The following INIP variants were observed in gnomAD, a reference collection of about 807,000 sequenced individuals.
INIP encodes the protein INTS3 and NABP interacting protein, also known as SOSS complex subunit C.
INIP carries 9 observed loss-of-function variants against 14.0 expected under a neutral mutation model. The observed-to-expected ratio is 0.64, with a 90% CI of 0.39 to 1.12. The LOEUF (loss-of-function observed/expected upper bound fraction) is 1.12. Ranked by LOEUF, INIP falls within the 50% of genes most tolerant of loss-of-function variation. The pLI, the probability that INIP is intolerant of heterozygous loss-of-function variation, is 0.01. For missense variants in INIP, 78 were observed against 122.7 expected, an observed-to-expected ratio of 0.64 and a Z score of 1.72; for synonymous variants, 37 against 41.5, an observed-to-expected ratio of 0.89 and a Z score of 0.41.
At chr9:112,699,311 TA>T (rs879325035) in intron 2 of INIP, among the ~76,000 whole-genome samples, 37 of 145,864 alleles carry the variant, frequency 2.5e-4, no homozygotes, top group Middle Eastern at 3.5e-3. Flanking sequence ...ACCCTGTCTC[TA>T]AAAAAAAAAA....
intron 2 of INIP, among the ~76,000 whole-genome samples, chr9:112,708,682 G>A (rs1470092289): frequency 6.6e-6 from 1 of 151,886 alleles, no homozygotes; most frequent in Non-Finnish European, 1.5e-5. Context: ...TCAAGATGTT[G>A]ACAGGGCTGC....
chr9:112,703,682 A>T (rs1838370107), intron 2 of INIP, among the ~76,000 whole-genome samples: 2 of 152,288 alleles, frequency 1.3e-5, no homozygotes, highest in African/African-American at 4.8e-5. Flanking sequence ...GTCTCAAGTA[A>T]TCCTTCCACC....
At position 112,687,632 on chromosome 9, in the gene INIP, T is replaced by G; in HGVS notation, c.221A>C (p.His74Pro). The change falls in exon 5 of 5, where the codon CAT becomes CCT. Residue 74 changes from histidine (H) to proline (P), a missense_variant and splice_region_variant. His to Pro is a moderately conservative substitution (Grantham distance 77). Transcript: ENST00000374242. The part of the protein sequence containing the change: ...IAAQQKAALQ[H>P]AHAHSSGYFI... ...GTATCCAGATGAATGTGCATGAGCA[T>G]GCTGGGAAAGATTAAAAACAAAAAG... 1 of 1,529,662 alleles carries G rather than the reference T, an allele frequency of 6.5e-7. No individual in the cohort carries two copies. The highest frequency in any genetic ancestry group is 8.9e-7 in the Non-Finnish European group (1 of 1,122,008). 94.8% of individuals were successfully genotyped at this position (1,529,662 alleles called of 1,614,324 possible).
Position 112,694,192 on chromosome 9 carries a change from C to T in INIP, c.67G>A (p.Asp23Asn), listed in dbSNP as rs1837998642. ...KNRVAILAEL[D>N]KEKRKLLMQN... ...ATAAGTAGTTTTCTTTTCTCTTTGTCCAGTTCTGCCAAGATTGCAACTCTA... is the reference window on the plus strand; with the variant it reads ...ATAAGTAGTTTTCTTTTCTCTTTGTTCAGTTCTGCCAAGATTGCAACTCTA... The change falls in exon 3 of 5, where the codon GAC becomes AAC. Residue 23 changes from aspartate to asparagine, a missense_variant. Physicochemically the swap from Asp to Asn is conservative, Grantham distance 23. Coordinates refer to ENST00000374242, the MANE Select transcript of INIP (RefSeq NM_021218.3). 1 of 1,611,306 alleles carries T rather than the reference C, an allele frequency of 6.2e-7. No homozygotes were observed. Among genetic ancestry groups the T allele is most frequent in the Non-Finnish European group, 8.5e-7 (1 of 1,178,960 alleles).
At position 112,684,122 on chromosome 9, in the gene INIP, T is replaced by C. The variant is rs1330091674; in HGVS notation, c.*3416A>G. The C allele has an allele frequency of 6.6e-6, 1 of 152,142 alleles. No individual in the cohort carries two copies. Among genetic ancestry groups the C allele is most frequent in the Non-Finnish European group, 1.5e-5 (1 of 68,034 alleles). 9.4% of individuals were successfully genotyped at this position (152,142 alleles called of 1,614,324 possible). ...GAACACCTACTATATGCCAAATATA[T>C]TTTATGTGGAATACAGTAGTGAACG... On this transcript the variant is annotated 3_prime_UTR_variant, in exon 5 of 5. Transcript: ENST00000374242.
chr9:112,692,971 G>C (rs967658693), intron 3 of INIP, among the ~76,000 whole-genome samples: 1 of 148,104 alleles, frequency 6.8e-6, no homozygotes. Context: ...TCAGGATGTA[G>C]TGAGTTATGA....
chr9:112,711,302 G>T (rs1442478549), intron 2 of INIP, among the ~76,000 whole-genome samples: 1 of 152,174 alleles, frequency 6.6e-6, no homozygotes, highest in African/African-American at 2.4e-5. Context: ...CCTAGTAGCA[G>T]CAGTTCCATG....
chr9:112,689,577 C>T lies in INIP; in HGVS notation c.169G>A (p.Asp57Asn). ...SRPSLNKDFR[D>N]HAEQQHIAAQ... ...GCAATATGCTGCTGCTCAGCGTGAT[C>T]CCGGAAGTCCTTATTAAGAGAGGGT... The change falls in exon 4 of 5, where the codon GAT (aspartate) becomes AAT (asparagine). Residue 57 changes from aspartate (D) to asparagine (N), a missense_variant. By Grantham distance (23) the Asp-to-Asn change is conservative. Transcript: ENST00000374242. The T allele has an allele frequency of 6.2e-7, 1 of 1,614,118 alleles. No individual in the cohort carries two copies.
Position 112,685,299 on chromosome 9 carries a change from C to G in INIP, c.*2239G>C, listed in dbSNP as rs74963836. ...AGAGACAGGGGTCTCACTATGTTGC[C>G]TAGGCTGTGGCTTGCTTTATAACTA... On this transcript the variant is annotated 3_prime_UTR_variant, in exon 5 of 5. Coordinates refer to ENST00000374242, the MANE Select transcript of INIP (RefSeq NM_021218.3). 6.6e-6 allele frequency: 1 copy of G among 151,132 alleles called. No homozygotes were observed. The highest frequency in any genetic ancestry group is 1.5e-5 in the Non-Finnish European group (1 of 67,940). 9.4% of individuals were successfully genotyped at this position (151,132 alleles called of 1,614,324 possible). A position where few individuals can be genotyped will look rare whatever the true frequency, so the allele number is the denominator to read the frequency against.
intron 4 of INIP, among the ~76,000 whole-genome samples, chr9:112,688,255 T>C (rs1052186311): frequency 4.6e-5 from 7 of 152,102 alleles, no homozygotes; most frequent in African/African-American, 1.7e-4. Flanking sequence ...CCTCAGTCCA[T>C]AAATGACTCA....
chr9:112,688,084 T>A (rs1437278155), intron 4 of INIP, among the ~76,000 whole-genome samples: 1 of 98,050 alleles, frequency 1.0e-5, no homozygotes, highest in Non-Finnish European at 2.2e-5. Context: ...AGACTCCATC[T>A]CAAATAAATA....
Position 112,694,215 on chromosome 9 carries a change from CTA to C in INIP, c.42_43del (p.Asn14LysfsTer29). ...GTCCAGTTCTGCCAAGATTGCAACT[CTA>C]TTTTTGTTTTGAAAACCTAAAAAAA... On this transcript the variant is annotated frameshift_variant, in exon 3 of 5. Transcript: ENST00000374242. LOFTEE classifies it high-confidence loss of function. 1 of 1,606,902 alleles carries C rather than the reference CTA, an allele frequency of 6.2e-7. No individual in the cohort carries two copies. The highest frequency in any genetic ancestry group is 1.3e-5 in the African/African-American group (1 of 74,590).
chr9:112,693,795 C>G (rs985421309), intron 3 of INIP, among the ~76,000 whole-genome samples: 3 of 152,204 alleles, frequency 2.0e-5, no homozygotes, highest in African/African-American at 7.2e-5. Flanking sequence ...ACATTACAGG[C>G]CAGGCACGGT....
chr9:112,698,303 CAAAA>C (rs755265359), intron 2 of INIP, among the ~76,000 whole-genome samples: 2 of 43,674 alleles, frequency 4.6e-5, no homozygotes, highest in South Asian at 1.2e-3. Flanking sequence ...GACTCTGTCT[CAAAA>C]AAAAAAAAAA....
At chr9:112,703,406 T>C (rs374487047) in intron 2 of INIP, among the ~76,000 whole-genome samples, 4 of 152,214 alleles carry the variant, frequency 2.6e-5, no homozygotes, top group African/African-American at 4.8e-5. Flanking sequence ...TTTTGGTCTC[T>C]AATACTATTC....
chr9:112,694,458 T>C (rs1475991530), intron 2 of INIP, among the ~76,000 whole-genome samples: 2 of 152,228 alleles, frequency 1.3e-5, no homozygotes, highest in Non-Finnish European at 2.9e-5. Flanking sequence ...AAGCAGAATA[T>C]AATATCAAAT....
At chr9:112,695,811 A>AAGAAGG (rs1838065508) in intron 2 of INIP, among the ~76,000 whole-genome samples, 1 of 95,744 alleles carries the variant, frequency 1.0e-5, no homozygotes, top group East Asian at 3.7e-4. Flanking sequence ...GGAGGAGGAG[A>AAGAAGG]AGAAGAAGGA....
intron 2 of INIP, among the ~76,000 whole-genome samples, chr9:112,708,168 A>G (rs545673806): frequency 6.6e-6 from 1 of 152,388 alleles, no homozygotes; most frequent in African/African-American, 2.4e-5. Flanking sequence ...ATTTATAACA[A>G]TCATTATTGT....
Position 112,694,121 on chromosome 9 carries a change from G to T in INIP, c.128+10C>A. On this transcript the variant is annotated intron_variant, in intron 3 of 4. Coordinates refer to ENST00000374242, the MANE Select transcript of INIP (RefSeq NM_021218.3). ...AAACAAACAAAAAACCCACATTATA[G>T]TGTCAATACCTAGCTCCAGGATGAT... is the stretch of plus-strand genomic sequence containing the variant. The T allele has an allele frequency of 6.6e-7, 1 of 1,510,628 alleles. No homozygotes were observed. The highest frequency in any genetic ancestry group is 9.1e-7 in the Non-Finnish European group (1 of 1,099,340). The allele number at this position is 1,510,628 out of a possible 1,614,324, so 93.6% of individuals were successfully genotyped here. A position where few individuals can be genotyped will look rare whatever the true frequency, so the allele number is the denominator to read the frequency against.
Sources: allele counts gnomAD v4.1 joint callset (sites outside exome capture counted in the v4.1 genomes callset), GRCh38; gene constraint gnomAD v4.1.1; transcripts MANE v1.5; gene names NCBI Gene and HGNC (gene_info 2026-07-23, HGNC 2026-07-21).